HTT: variants seen among roughly 807,000 people sequenced by gnomAD.
HTT encodes the protein huntingtin, also known as huntington disease protein.
HTT carries 104 observed loss-of-function variants against 362.3 expected under a neutral mutation model. The ratio of observed to expected loss-of-function variants is 0.29; its 90% CI spans 0.24 to 0.34. The LOEUF (loss-of-function observed/expected upper bound fraction) is 0.34. HTT is among the 10% of genes least tolerant of loss of function. The pLI is 1.00. For synonymous variants in HTT, 1,577 were observed against 1,548.7 expected, an observed-to-expected ratio of 1.02 and a Z score of -0.43; for missense variants, 3,301 against 3,928.6, an observed-to-expected ratio of 0.84 and a Z score of 4.27.
intron 8 of HTT, among the ~76,000 whole-genome samples, chr4:3,116,779 AGTAATTCTAAT>A (rs1466835157): frequency 6.6e-6 from 1 of 152,256 alleles, no homozygotes; most frequent in East Asian, 1.9e-4. Flanking sequence ...GAAACCTTGC[AGTAATTCTAAT>A]GTACTGTGAT....
chr4:3,140,563 T>G lies in HTT; in HGVS notation c.2852T>G (p.Val951Gly). 1 of 1,614,122 alleles carries G rather than the reference T, an allele frequency of 6.2e-7. No individual in the cohort carries two copies. Among genetic ancestry groups the G allele is most frequent in the Admixed American group, 1.7e-5 (1 of 60,024 alleles). ...GACCAAGGACAAGCTGATCCAGTAG[T>G]GGCCGTGGCAAGAGATCAAAGCAGT... ...KCDQGQADPVVAVARDQSSVY... is the reference protein window; with the variant it reads ...KCDQGQADPVGAVARDQSSVY... Residue 951 changes from valine (V) to glycine (G), a missense_variant, in exon 22 of 67, where the codon GTG becomes GGG. Val to Gly is a moderately radical substitution (Grantham distance 109). This residue lies in a region of HTT where 2,316 missense variants were observed against 2,658.5 expected (regional missense o/e 0.87). Coordinates refer to ENST00000355072, the MANE Select transcript of HTT (RefSeq NM_001388492.1).
Position 3,204,075 on chromosome 4 carries a change from T to C in HTT, c.5645T>C (p.Leu1882Ser). The change falls in exon 42 of 67, where the codon TTG becomes TCG. Residue 1882 changes from leucine (L) to serine (S), a missense_variant. Leu to Ser is a moderately radical substitution (Grantham distance 145, BLOSUM62 -2). Transcript: ENST00000355072. Reference sequence around the variant, plus strand: ...TCTGGAGAAGAGGAGGATTCTGACTTGGCAGCCAAACTTGGAATGTGCAAT... The same window carrying C: ...TCTGGAGAAGAGGAGGATTCTGACTCGGCAGCCAAACTTGGAATGTGCAAT... ...QMSGEEEDSD[L>S]AAKLGMCNRE... 1.2e-6 allele frequency: 2 copies of C among 1,614,132 alleles called. No homozygotes were observed. Among genetic ancestry groups the C allele is most frequent in the Admixed American group, 1.7e-5 (1 of 60,026 alleles).
chr4:3,192,607 G>A (rs1385756647), intron 40 of HTT, among the ~76,000 whole-genome samples: 1 of 152,202 alleles, frequency 6.6e-6, no homozygotes, highest in East Asian at 1.9e-4. Context: ...CCGGGAGTAA[G>A]GGAGAGGAGC....
chr4:3,209,004 G>C, intron 46 of HTT, 93 bp downstream of exon 46: 1 of 1,351,314 alleles, frequency 7.4e-7, no homozygotes, highest in East Asian at 2.5e-5. Flanking sequence ...AGGTGCCGTG[G>C]ACCCAAGGAG....
At chr4:3,132,410 TA>T in intron 16 of HTT, 151 bp from the exon 17 acceptor site, 1 of 562,264 alleles carries the variant, frequency 1.8e-6, no homozygotes, top group Non-Finnish European at 3.0e-6. Flanking sequence ...TTTTTTTTTT[TA>T]ATCACTTAGG....
chr4:3,195,655 T>C (rs1719215686), intron 40 of HTT, among the ~76,000 whole-genome samples: 1 of 152,142 alleles, frequency 6.6e-6, no homozygotes, highest in Non-Finnish European at 1.5e-5. Context: ...TAATGGTAGC[T>C]ACTGTAACAA....
At chr4:3,123,014 ATTTC>A in intron 10 of HTT, 78 bp downstream of exon 10, 1 of 1,112,494 alleles carries the variant, frequency 9.0e-7, no homozygotes, top group South Asian at 1.3e-5. Context: ...TGTATCTTGT[ATTTC>A]TTGTAATACT....
In HTT at chr4:3,228,759, CT is replaced by C; in HGVS notation, c.7979+19del. On this transcript the variant is annotated intron_variant, in intron 58 of 66. Coordinates refer to ENST00000355072, the MANE Select transcript of HTT (RefSeq NM_001388492.1). The surrounding 1 kb of genome is among the most constrained non-coding windows in gnomAD (Gnocchi z 4.3). The stretch of plus-strand genomic sequence containing the variant: ...AGTCAACTCCAGGTTTTCCAATGGC[CT>C]TTTTCTTTTTAACAGAAATTTGAAA... 6.4e-7 allele frequency: 1 copy of C among 1,570,132 alleles called. No individual in the cohort carries two copies. Among genetic ancestry groups the C allele is most frequent in the Non-Finnish European group, 8.7e-7 (1 of 1,155,650 alleles).
intron 2 of HTT, among the ~76,000 whole-genome samples, chr4:3,089,483 G>A (rs1713391744): frequency 6.6e-6 from 1 of 152,170 alleles, no homozygotes; most frequent in African/African-American, 2.4e-5. Flanking sequence ...TTGATCTCCT[G>A]ACCTCGTGAT....
At chr4:3,107,213 C>T in intron 5 of HTT, 72 bp from the exon 6 acceptor site, 4 of 1,521,866 alleles carry the variant, frequency 2.6e-6, no homozygotes, top group Admixed American at 1.9e-5. Context: ...TTTTCCCTAA[C>T]AGGGAATGAA....
At chr4:3,199,016 G>A (rs1719397772) in intron 40 of HTT, among the ~76,000 whole-genome samples, 1 of 152,238 alleles carries the variant, frequency 6.6e-6, no homozygotes. Flanking sequence ...TTTGGCAGGT[G>A]CCGAGTGCTG....
At chr4:3,199,526 G>A (rs1188667929) in intron 40 of HTT, among the ~76,000 whole-genome samples, 1 of 147,964 alleles carries the variant, frequency 6.8e-6, no homozygotes, top group Non-Finnish European at 1.5e-5. Flanking sequence ...GGCAACAAGA[G>A]CAAAACTCTA....
intron 63 of HTT, among the ~76,000 whole-genome samples, 156 bp from the exon 64 acceptor site, chr4:3,235,993 G>C (rs1186925485): frequency 6.6e-6 from 1 of 152,218 alleles, no homozygotes; most frequent in Non-Finnish European, 1.5e-5. Flanking sequence ...CTCATCCCAT[G>C]TGGCTGAGCT....
chr4:3,193,477 C>A (rs147406445), intron 40 of HTT, among the ~76,000 whole-genome samples: 102 of 152,258 alleles, frequency 6.7e-4, no homozygotes, highest in African/African-American at 2.3e-3. Context: ...ACTAGTCTTG[C>A]CTTTGTGGGA....
At chr4:3,235,836 A>T (rs909122535) in intron 63 of HTT, 58 bp downstream of exon 63, 1 of 1,362,370 alleles carries the variant, frequency 7.3e-7, no homozygotes, top group Non-Finnish European at 1.0e-6. Flanking sequence ...GGGAGGCAGG[A>T]GCATGCTCAC....
intron 47 of HTT, 123 bp downstream of exon 47, chr4:3,210,072 G>A: frequency 1.6e-6 from 2 of 1,239,402 alleles, no homozygotes; most frequent in Admixed American, 3.8e-5. Context: ...AGTCTGGGCA[G>A]GGACGGGATG....
Position 3,154,202 on chromosome 4 carries a change from G to A in HTT, c.3499-91G>A, listed in dbSNP as rs363149. The A allele has an allele frequency of 6.8e-5, 75 of 1,110,934 alleles. No homozygotes were observed. In the African/African-American group the frequency reaches 9.9e-4, roughly 15 times the overall value. 68.8% of individuals were successfully genotyped at this position (1,110,934 alleles called of 1,614,324 possible). A position where few individuals can be genotyped will look rare whatever the true frequency, so the allele number is the denominator to read the frequency against. ...CATGGGTTAGCTCTTTTTAATAAATGGTAAAACCAAATATTCTAATTTTCA... is the reference window on the plus strand; with the variant it reads ...CATGGGTTAGCTCTTTTTAATAAATAGTAAAACCAAATATTCTAATTTTCA... On this transcript the variant is annotated intron_variant, in intron 26 of 66. Transcript: ENST00000355072.
intron 48 of HTT, 89 bp from the exon 49 acceptor site, chr4:3,212,475 C>A: frequency 6.8e-7 from 1 of 1,475,394 alleles, no homozygotes; most frequent in Non-Finnish European, 9.4e-7. Flanking sequence ...GAGCTTTCAT[C>A]AGATTCTCAG....
chr4:3,166,270 G>C (rs932406533), intron 29 of HTT, among the ~76,000 whole-genome samples: 1 of 152,198 alleles, frequency 6.6e-6, no homozygotes, highest in East Asian at 1.9e-4. Flanking sequence ...ATTGCTGCCT[G>C]ATCCTTCCTC....
Sources: allele counts gnomAD v4.1 joint callset (sites outside exome capture counted in the v4.1 genomes callset), GRCh38; gene constraint gnomAD v4.1.1; regional missense constraint gnomAD v4.1.1; non-coding constraint Gnocchi (gnomAD v3.1); transcripts MANE v1.5; gene names NCBI Gene and HGNC (gene_info 2026-07-23, HGNC 2026-07-21).